Variants in RCOR1 observed in about 807,000 individuals in gnomAD.
RCOR1 encodes REST corepressor 1.
Under a neutral mutation model 64.0 loss-of-function variants are expected in RCOR1, and 12 were observed. The ratio of observed to expected loss-of-function variants is 0.19; its 90% confidence interval spans 0.12 to 0.30. RCOR1 has a LOEUF of 0.30. Among genes scored for constraint, RCOR1 ranks in the 10% least tolerant of loss-of-function variants. RCOR1 has a pLI of 1.00. For missense variants in RCOR1, 502 were observed against 621.2 expected (o/e 0.81, Z 2.04); for synonymous variants, 279 against 227.2 (o/e 1.23, Z -2.05).
At chr14:102,716,354 CTT>C (rs1896068744) in intron 8 of RCOR1, among the ~76,000 whole-genome samples, 1 of 152,106 alleles carries the variant, frequency 6.6e-6, no homozygotes. Flanking sequence ...TCAATGGTAT[CTT>C]TTGATGAACA....
intron 2 of RCOR1, among the ~76,000 whole-genome samples, chr14:102,614,281 G>A (rs951102778): frequency 2.8e-5 from 4 of 142,092 alleles, no homozygotes; most frequent in Non-Finnish European, 6.0e-5. Flanking sequence ...CTGGAGTCCA[G>A]TGGCGCCATC....
At chr14:102,705,861 G>T (rs988435510) in intron 4 of RCOR1, among the ~76,000 whole-genome samples, 1 of 151,748 alleles carries the variant, frequency 6.6e-6, no homozygotes, top group African/African-American at 2.4e-5. Context: ...GGATGTGGTG[G>T]CTCACACCTA....
At chr14:102,709,785 G>A (rs1895921330) in intron 6 of RCOR1, among the ~76,000 whole-genome samples, 1 of 152,166 alleles carries the variant, frequency 6.6e-6, no homozygotes, top group Non-Finnish European at 1.5e-5. Flanking sequence ...TATATAGTAA[G>A]TCTGTTACTA....
chr14:102,689,217 C>G (rs1459411379), intron 3 of RCOR1, among the ~76,000 whole-genome samples: 1 of 152,094 alleles, frequency 6.6e-6, no homozygotes, highest in Non-Finnish European at 1.5e-5. Context: ...CAAAGTTTAC[C>G]CAGGCACGTG....
intron 2 of RCOR1, among the ~76,000 whole-genome samples, chr14:102,653,305 G>A (rs966568334): frequency 9.2e-5 from 14 of 151,862 alleles, no homozygotes; most frequent in East Asian, 1.9e-4. Flanking sequence ...TGGAGCCTCC[G>A]CCTCCTGGGC....
intron 2 of RCOR1, chr14:102,659,202 ATAAAT>A (rs1894783833): frequency 3.0e-6 from 3 of 984,638 alleles, no homozygotes; most frequent in Non-Finnish European, 3.6e-6. Flanking sequence ...AAATACTTAG[ATAAAT>A]TACTGCAATT....
Position 102,730,162 on chromosome 14 carries a change from G to T in RCOR1, c.*3656G>T. ...CCTAAAACGAAATTTATACCGGGGT[G>T]GATAGTATTCCATTAGGTAGACTTA... On this transcript the variant is annotated 3_prime_UTR_variant, in exon 12 of 12. Coordinates refer to ENST00000262241, the MANE Select transcript of RCOR1 (RefSeq NM_015156.4). The T allele has an allele frequency of 2.5e-6, 1 of 397,598 alleles. No homozygotes were observed. Among genetic ancestry groups the T allele is most frequent in the Non-Finnish European group, 4.4e-6 (1 of 225,728 alleles). 24.6% of individuals were successfully genotyped at this position (397,598 alleles called of 1,614,324 possible).
intron 3 of RCOR1, among the ~76,000 whole-genome samples, chr14:102,696,707 C>G (rs1447452261): frequency 6.6e-6 from 1 of 151,728 alleles, no homozygotes; most frequent in Admixed American, 6.6e-5. Flanking sequence ...ACGGATCCCT[C>G]TTTTCTTTAA....
At chr14:102,724,670 T>C (rs1896227419) in intron 11 of RCOR1, among the ~76,000 whole-genome samples, 1 of 152,184 alleles carries the variant, frequency 6.6e-6, no homozygotes, top group African/African-American at 2.4e-5. Flanking sequence ...CTTCTTGTAG[T>C]GCCACCCCTG....
In RCOR1 at chr14:102,729,648, C is replaced by G. The variant is rs1377785511; in HGVS notation, c.*3142C>G. 2.6e-6 allele frequency: 1 copy of G among 391,262 alleles called. No homozygotes were observed. Among genetic ancestry groups the G allele is most frequent in the Non-Finnish European group, 4.5e-6 (1 of 221,798 alleles). The allele number at this position is 391,262 out of a possible 1,614,324, so 24.2% of individuals were successfully genotyped here. The stretch of plus-strand genomic sequence containing the variant: ...CATAAAACAGTGGCTTTCTGTTCAT[C>G]TAAAGTTTCCTCAGATACCACAGAC... On this transcript the variant is annotated 3_prime_UTR_variant, in exon 12 of 12. Coordinates refer to ENST00000262241, the MANE Select transcript of RCOR1 (RefSeq NM_015156.4).
chr14:102,710,827 T>A, intron 6 of RCOR1, 108 bp from the exon 7 acceptor site: 2 of 731,726 alleles, frequency 2.7e-6, no homozygotes, highest in Non-Finnish European at 4.7e-6. Flanking sequence ...CAGTTTATTA[T>A]TTATATTTGG....
In RCOR1 at chr14:102,727,939, G is replaced by A. The variant is rs1173581011; in HGVS notation, c.*1433G>A. 1 of 152,192 alleles carries A rather than the reference G, an allele frequency of 6.6e-6. No homozygotes were observed. The allele number at this position is 152,192 out of a possible 1,614,324, so 9.4% of individuals were successfully genotyped here. ...TCAATACGCTGAAGTCGCTTTTGTT[G>A]TTGTTGTTGTTGTTTGCATCATTTG... is the stretch of plus-strand genomic sequence containing the variant. On this transcript the variant is annotated 3_prime_UTR_variant, in exon 12 of 12. Transcript: ENST00000262241.
At chr14:102,619,484 T>TC (rs1173711150) in intron 2 of RCOR1, among the ~76,000 whole-genome samples, 1 of 9,800 alleles carries the variant, frequency 1.0e-4, no homozygotes, top group East Asian at 1.4e-3. Context: ...TTTTTTTTTT[T>TC]TTTTTTTTTT....
chr14:102,703,554 T>C (rs1389892651), intron 4 of RCOR1, among the ~76,000 whole-genome samples: 1 of 152,210 alleles, frequency 6.6e-6, no homozygotes, highest in African/African-American at 2.4e-5. Context: ...TCTGATATAT[T>C]CAAAGCAGCA....
intron 8 of RCOR1, 39 bp downstream of exon 8, chr14:102,714,656 T>G (rs1328339335): frequency 1.6e-5 from 24 of 1,467,388 alleles, no homozygotes; most frequent in Non-Finnish European, 1.9e-5. Flanking sequence ...AAGAATTAAT[T>G]AGCACTTTAG....
intron 2 of RCOR1, among the ~76,000 whole-genome samples, chr14:102,675,985 A>T (rs1895138014): frequency 6.6e-6 from 1 of 150,660 alleles, no homozygotes; most frequent in Non-Finnish European, 1.5e-5. Context: ...GATGTACTAC[A>T]GTTGGTTTAT....
rs535690691 is a variant in RCOR1 at position 102,707,630 on chromosome 14, C to A, written c.660+118C>A. The A allele has an allele frequency of 2.5e-5, 23 of 907,106 alleles. No homozygotes were observed. In the East Asian group the frequency reaches 5.7e-4, roughly 22 times the overall value. The allele number at this position is 907,106 out of a possible 1,614,324, so 56.2% of individuals were successfully genotyped here. A position where few individuals can be genotyped will look rare whatever the true frequency, so the allele number is the denominator to read the frequency against. ...AAATATTCCCATTTTTGATAAAGTT[C>A]CCCTTTAGATTCAGCTTAGTACATG... On this transcript the variant is annotated intron_variant, in intron 5 of 11. Coordinates refer to ENST00000262241, the MANE Select transcript of RCOR1 (RefSeq NM_015156.4).
chr14:102,684,155 C>T (rs986625907), intron 3 of RCOR1, among the ~76,000 whole-genome samples: 5 of 152,196 alleles, frequency 3.3e-5, no homozygotes, highest in African/African-American at 4.8e-5. Flanking sequence ...GCCCCCAACC[C>T]GCTGCGGAGT....
At chr14:102,655,560 A>G (rs2139934338) in intron 2 of RCOR1, 1 of 901,892 alleles carries the variant, frequency 1.1e-6, no homozygotes, top group Non-Finnish European at 1.3e-6. Flanking sequence ...ACAAGCTCAT[A>G]TTTGTGAAAG....
Sources: gnomAD v4.1 joint callset for allele counts (sites outside exome capture counted in the v4.1 genomes callset) on GRCh38, gnomAD v4.1.1 for gene constraint, MANE v1.5 for transcripts, NCBI Gene and HGNC (gene_info 2026-07-23, HGNC 2026-07-21) for gene names.